Variants in CASQ1 observed in about 807,000 individuals in gnomAD.
CASQ1 encodes calsequestrin 1, also known as calsequestrin-1.
In CASQ1, 40 loss-of-function variants were observed where a neutral mutation model predicts 49.5. That is an observed-to-expected ratio of 0.81 (90% CI 0.63 to 1.05). The LOEUF (loss-of-function observed/expected upper bound fraction) is 1.05, where lower values mean the gene tolerates loss of function less well. Ranked by LOEUF, CASQ1 falls within the 50% of genes least tolerant of loss-of-function variation. The pLI is 0.00. For missense variants in CASQ1, 469 were observed against 486.9 expected (o/e 0.96, Z 0.35); for synonymous variants, 174 against 187.2 (o/e 0.93, Z 0.58).
Position 160,201,654 on chromosome 1 carries a change from A to T in CASQ1, c.*278A>T. Reference sequence around the variant, plus strand: ...ATGTGTCTCTTCCATCACTCTCCATACTCTTTCTTGTGATTCTCCTCTAGC... The same window carrying T: ...ATGTGTCTCTTCCATCACTCTCCATTCTCTTTCTTGTGATTCTCCTCTAGC... On this transcript the variant is annotated 3_prime_UTR_variant, in exon 11 of 11. Transcript: ENST00000368078. The T allele has an allele frequency of 2.1e-6, 1 of 475,508 alleles. No homozygotes were observed. The allele number at this position is 475,508 out of a possible 1,614,324, so 29.5% of individuals were successfully genotyped here.
At chr1:160,199,614 C>T (rs1478181354) in intron 9 of CASQ1, among the ~76,000 whole-genome samples, 1 of 152,166 alleles carries the variant, frequency 6.6e-6, no homozygotes. Flanking sequence ...CAGTTTTCCT[C>T]AGAAAAGAGG....
rs765557456 is a variant in CASQ1, at chr1:160,195,044, T to G, written c.498T>G (p.Gly166=). 1 of 1,612,784 alleles carries G rather than the reference T, an allele frequency of 6.2e-7. No individual in the cohort carries two copies. The highest frequency in any genetic ancestry group is 8.5e-7 in the Non-Finnish European group (1 of 1,179,268). Residue 166 remains glycine (G), a synonymous_variant, in exon 4 of 11, where the codon GGT becomes GGG. Transcript: ENST00000368078. The part of the protein sequence containing the change: ...VLEDPVELIE[G]ERELQAFENI... ...AGGACCCTGTGGAATTGATTGAAGG[T>G]GAACGAGAGCTGCAGGCGTTTGAGA...
chr1:160,201,653 T>C lies in CASQ1; in HGVS notation c.*277T>C. On this transcript the variant is annotated 3_prime_UTR_variant, in exon 11 of 11. Transcript: ENST00000368078. ...TATGTGTCTCTTCCATCACTCTCCATACTCTTTCTTGTGATTCTCCTCTAG... is the reference window on the plus strand; with the variant it reads ...TATGTGTCTCTTCCATCACTCTCCACACTCTTTCTTGTGATTCTCCTCTAG... The C allele has an allele frequency of 2.0e-6, 1 of 489,590 alleles. No individual in the cohort carries two copies. The highest frequency in any genetic ancestry group is 3.7e-6 in the Non-Finnish European group (1 of 267,942). 30.3% of individuals were successfully genotyped at this position (489,590 alleles called of 1,614,324 possible).
intron 4 of CASQ1, 136 bp downstream of exon 4, chr1:160,195,259 A>G (rs1557814834): frequency 2.7e-6 from 2 of 728,750 alleles, no homozygotes; most frequent in Non-Finnish European, 2.3e-6. Flanking sequence ...GGTCAGCACC[A>G]TCAACAGCTC....
intron 3 of CASQ1, among the ~76,000 whole-genome samples, 153 bp from the exon 4 acceptor site, chr1:160,194,859 C>T (rs1654180599): frequency 6.6e-6 from 1 of 151,578 alleles, no homozygotes; most frequent in African/African-American, 2.4e-5. Flanking sequence ...ACACACTATA[C>T]ACACACACGC....
intron 1 of CASQ1, 34 bp downstream of exon 1, chr1:160,191,064 G>T (rs774082512): frequency 6.2e-7 from 1 of 1,605,472 alleles, no homozygotes; most frequent in Non-Finnish European, 8.5e-7. Context: ...TGCAGAGCAT[G>T]TCTAGCCCCT....
chr1:160,191,090 T>C, intron 1 of CASQ1, 60 bp downstream of exon 1: 3 of 1,559,294 alleles, frequency 1.9e-6, no homozygotes, highest in Middle Eastern at 3.6e-4. Flanking sequence ...GAATCCCCTA[T>C]CCTACACCCA....
In CASQ1 at chr1:160,192,856, G is replaced by C. The variant is rs979091500; in HGVS notation, c.334G>C (p.Glu112Gln). The part of the protein sequence containing the change: ...KGVGFGLVDS[E>Q]KDAAVAKKLG... Reference sequence around the variant, plus strand: ...TGTTGGCTTCGGGCTGGTAGACTCTGAGAAGGATGCAGCTGTGGCCAAGAA... The same window carrying C: ...TGTTGGCTTCGGGCTGGTAGACTCTCAGAAGGATGCAGCTGTGGCCAAGAA... Residue 112 changes from glutamate to glutamine, a missense_variant, in exon 2 of 11, where the codon GAG (glutamate) becomes CAG (glutamine). By Grantham distance (29) the Glu-to-Gln change is conservative. Coordinates refer to ENST00000368078, the MANE Select transcript of CASQ1 (RefSeq NM_001231.5). The C allele has an allele frequency of 1.2e-6, 2 of 1,613,932 alleles. No homozygotes were observed. The highest frequency in any genetic ancestry group is 3.3e-5 in the Admixed American group (2 of 59,988).
rs767391746 is a variant in CASQ1 at position 160,190,704 on chromosome 1, G to A, written c.-48G>A. On this transcript the variant is annotated 5_prime_UTR_variant, in exon 1 of 11. Transcript: ENST00000368078. ...GACCCAGGGGCCCCTCCCTACCCCA[G>A]CTAACCTCTTCTGGACCAGGAGAGC... 4.4e-6 allele frequency: 7 copies of A among 1,584,464 alleles called. No individual in the cohort carries two copies. Among genetic ancestry groups the A allele is most frequent in the Non-Finnish European group, 6.0e-6 (7 of 1,162,344 alleles).
In CASQ1 at chr1:160,195,458, C is replaced by A; in HGVS notation, c.578-3C>A. The A allele has an allele frequency of 2.5e-6, 4 of 1,613,934 alleles. No homozygotes were observed. The highest frequency in any genetic ancestry group is 3.4e-6 in the Non-Finnish European group (4 of 1,179,802). ...GAGACTGACTCTGCATTCCACCCCC[C>A]AGATTACAAAGCCTTCGAGGATGCA... On this transcript the variant is annotated splice_region_variant and splice_polypyrimidine_tract_variant and intron_variant, in intron 4 of 10. Coordinates refer to ENST00000368078, the MANE Select transcript of CASQ1 (RefSeq NM_001231.5).
chr1:160,199,011 A>C lies in CASQ1; in HGVS notation c.942A>C (p.Pro314=). Residue 314 remains proline, a synonymous_variant, in exon 9 of 11, where the codon CCA becomes CCC. Transcript: ENST00000368078. ...TGGCCCAAGATAACACTGAAAACCC[A>C]GATCTTAGCATCATCTGGATTGACC... ...KAVAQDNTEN[P]DLSIIWIDPD... 2 of 1,613,452 alleles carry C rather than the reference A, an allele frequency of 1.2e-6. No individual in the cohort carries two copies. Among genetic ancestry groups the C allele is most frequent in the East Asian group, 4.5e-5 (2 of 44,884 alleles).
chr1:160,195,652 G>GCCCC, intron 5 of CASQ1, 118 bp downstream of exon 5: 3 of 716,412 alleles, frequency 4.2e-6, no homozygotes, highest in African/African-American at 2.2e-5. Context: ...CTCCCTACCT[G>GCCCC]CCCCCCCCCC....
At position 160,190,600 on chromosome 1, in the gene CASQ1, C is replaced by T; in HGVS notation, c.-152C>T. 1.5e-6 allele frequency: 1 copy of T among 689,588 alleles called. No homozygotes were observed. The highest frequency in any genetic ancestry group is 2.4e-6 in the Non-Finnish European group (1 of 418,120). The allele number at this position is 689,588 out of a possible 1,614,324, so 42.7% of individuals were successfully genotyped here. On this transcript the variant is annotated 5_prime_UTR_variant, in exon 1 of 11. Transcript: ENST00000368078. ...GGCTCTGTCGGCAGTTTCTCCAGGA[C>T]CCAGCAGTGCCCTCTGTCCACTGCT...
rs765557456 is a variant in CASQ1, at chr1:160,195,044, T to C, written c.498T>C (p.Gly166=). The C allele has an allele frequency of 9.9e-6, 16 of 1,612,784 alleles. No homozygotes were observed. The South Asian group carries it at 1.6e-4, about 17-fold the overall frequency. ...AGGACCCTGTGGAATTGATTGAAGGTGAACGAGAGCTGCAGGCGTTTGAGA... is the reference window on the plus strand; with the variant it reads ...AGGACCCTGTGGAATTGATTGAAGGCGAACGAGAGCTGCAGGCGTTTGAGA... The part of the protein sequence containing the change: ...VLEDPVELIE[G]ERELQAFENI... The change falls in exon 4 of 11, where the codon GGT becomes GGC. Residue 166 remains glycine, a synonymous_variant. Coordinates refer to ENST00000368078, the MANE Select transcript of CASQ1 (RefSeq NM_001231.5).
At position 160,201,358 on chromosome 1, in the gene CASQ1, C is replaced by CGAT. The variant is rs754288969; in HGVS notation, c.1185_1187dup (p.Asp396dup). 6.2e-6 allele frequency: 10 copies of CGAT among 1,613,876 alleles called. No individual in the cohort carries two copies. In the African/African-American group the frequency reaches 9.3e-5, roughly 15 times the overall value. ...GCGAGATCAACACAGAGGACGATGACGATGATGATGATGACTAGTTGCTAT... is the reference window on the plus strand; with the variant it reads ...GCGAGATCAACACAGAGGACGATGACGATGATGATGATGATGACTAGTTGCTAT... On this transcript the variant is annotated inframe_insertion, in exon 11 of 11. Coordinates refer to ENST00000368078, the MANE Select transcript of CASQ1 (RefSeq NM_001231.5).
chr1:160,194,829 C>T (rs1654179991), intron 3 of CASQ1, among the ~76,000 whole-genome samples, 183 bp from the exon 4 acceptor site: 1 of 151,638 alleles, frequency 6.6e-6, no homozygotes, highest in South Asian at 2.1e-4. Context: ...CACACATGCA[C>T]ACCACACACT....
chr1:160,192,649 G>A (rs1446142081), intron 1 of CASQ1, 153 bp from the exon 2 acceptor site: 1 of 675,652 alleles, frequency 1.5e-6, no homozygotes, highest in East Asian at 2.5e-5. Context: ...GTGGCTGTAG[G>A]GAATTTGGGG....
chr1:160,193,680 C>A, intron 2 of CASQ1, 67 bp from the exon 3 acceptor site: 1 of 969,294 alleles, frequency 1.0e-6, no homozygotes, highest in Non-Finnish European at 1.6e-6. Flanking sequence ...GGATTTGGAC[C>A]TTGAATCTGT....
chr1:160,199,598 C>A (rs940329125), intron 9 of CASQ1, among the ~76,000 whole-genome samples: 3 of 152,128 alleles, frequency 2.0e-5, no homozygotes, highest in African/African-American at 7.2e-5. Flanking sequence ...AACAGGGTTT[C>A]CTATCCAGTT....
Sources: allele counts gnomAD v4.1 joint callset (sites outside exome capture counted in the v4.1 genomes callset), GRCh38; gene constraint gnomAD v4.1.1; transcripts MANE v1.5; gene names NCBI Gene and HGNC (gene_info 2026-07-23, HGNC 2026-07-21).